The following DGKH variants were observed in gnomAD, a reference collection of about 807,000 sequenced individuals.
DGKH encodes DAG kinase eta.
In DGKH, 90 loss-of-function variants were observed where a neutral mutation model predicts 159.3. The observed-to-expected ratio is 0.57, with a 90% CI of 0.48 to 0.67. The LOEUF (loss-of-function observed/expected upper bound fraction) is 0.67, where lower values mean the gene tolerates loss of function less well. Ranked by LOEUF, DGKH falls within the 30% of genes least tolerant of loss-of-function variation. The pLI, the probability that DGKH is intolerant of heterozygous loss-of-function variation, is 0.00. For missense variants in DGKH, 1,181 were observed against 1,506.1 expected (o/e 0.78, Z 3.57); for synonymous variants, 536 against 553.8 (o/e 0.97, Z 0.45).
At chr13:42,171,527 G>A (rs1032007198) in intron 11 of DGKH, among the ~76,000 whole-genome samples, 1 of 152,164 alleles carries the variant, frequency 6.6e-6, no homozygotes, top group African/African-American at 2.4e-5. Context: ...AGGGTGCAAG[G>A]AACTCAGACA....
chr13:42,046,545 G>A (rs528758971), upstream of DGKH, among the ~76,000 whole-genome samples: 5 of 152,284 alleles, frequency 3.3e-5, no homozygotes, highest in African/African-American at 1.2e-4. Context: ...TTACTTTGAG[G>A]TATTAAATGG....
At chr13:42,201,379 A>G (rs1375350548) in intron 20 of DGKH, among the ~76,000 whole-genome samples, 1 of 152,098 alleles carries the variant, frequency 6.6e-6, no homozygotes. Context: ...TGAGGGTGAA[A>G]TAGATGGGTA....
intron 1 of DGKH, among the ~76,000 whole-genome samples, chr13:42,123,893 G>C (rs749315028): frequency 2.6e-5 from 4 of 152,210 alleles, no homozygotes; most frequent in Middle Eastern, 3.2e-3. Flanking sequence ...GGGACAGGTA[G>C]TGATTATAAA....
At chr13:42,245,336 A>G, downstream of DGKH, among the ~76,000 whole-genome samples, 1 of 152,180 alleles carries the variant, frequency 6.6e-6, no homozygotes, top group Non-Finnish European at 1.5e-5. Context: ...ATCCCAATGC[A>G]CGGAATAGTG....
At chr13:42,104,488 G>A (rs930003458) in intron 1 of DGKH, among the ~76,000 whole-genome samples, 5 of 152,186 alleles carry the variant, frequency 3.3e-5, no homozygotes, top group Non-Finnish European at 5.9e-5. Flanking sequence ...AGTCTCACAG[G>A]GCAGTTTTCA....
Position 42,161,583 on chromosome 13 carries a change from C to A in DGKH, c.855+1447C>A, listed in dbSNP as rs572733120. ...GATCATGGGGTCAGGAGATCAAGAC[C>A]ATCCTGGCTAACACAGTGAAACCCC... On this transcript the variant is annotated intron_variant, in intron 7 of 29. Coordinates refer to ENST00000337343, the MANE Select transcript of DGKH (RefSeq NM_178009.5). Among the ~76,000 whole-genome samples, 7 of 148,878 alleles carry A rather than the reference C, an allele frequency of 4.7e-5. No individual in the cohort carries two copies. In the East Asian group the frequency reaches 1.4e-3, roughly 29 times the overall value.
chr13:42,066,423 T>C (rs1163598300), intron 1 of DGKH: 1 of 152,234 alleles, frequency 6.6e-6, no homozygotes, highest in Non-Finnish European at 1.5e-5. Context: ...GAATCTTTAC[T>C]GCAATTTGCT....
intron 1 of DGKH, among the ~76,000 whole-genome samples, chr13:42,113,893 T>G (rs1954916490): frequency 6.6e-6 from 1 of 152,138 alleles, no homozygotes; most frequent in South Asian, 2.1e-4. Flanking sequence ...AAGATAGGCT[T>G]TAGGATGGGG....
Position 42,131,737 on chromosome 13 carries a change from CA to C in DGKH, c.384+2106del, listed in dbSNP as rs542882622. ...TAGAGAACAAACAAATGAATTGATC[CA>C]GGGTTGGTGGTTTATAGGGCATATT... On this transcript the variant is annotated intron_variant, in intron 3 of 29. Coordinates refer to ENST00000337343, the MANE Select transcript of DGKH (RefSeq NM_178009.5). Among the ~76,000 whole-genome samples, 6 of 152,144 alleles carry C rather than the reference CA, an allele frequency of 3.9e-5. No individual in the cohort carries two copies. In the East Asian group the frequency reaches 1.2e-3, roughly 29 times the overall value.
chr13:42,128,032 C>A (rs1481693602), intron 2 of DGKH, among the ~76,000 whole-genome samples: 1 of 152,070 alleles, frequency 6.6e-6, no homozygotes, highest in Non-Finnish European at 1.5e-5. Context: ...TGGCTGTGGA[C>A]AGCATGTGTT....
At chr13:42,040,636 G>A (rs964299624) in intron 1 of DGKH, among the ~76,000 whole-genome samples, 11 of 151,572 alleles carry the variant, frequency 7.3e-5, no homozygotes, top group Non-Finnish European at 1.2e-4. Flanking sequence ...CCGCGCAGGG[G>A]AGCGGGACCG....
Position 42,189,266 on chromosome 13 carries a change from T to G in DGKH, c.1869T>G (p.Ser623Arg). The G allele has an allele frequency of 6.2e-7, 1 of 1,614,180 alleles. No individual in the cohort carries two copies. Among genetic ancestry groups the G allele is most frequent in the Non-Finnish European group, 8.5e-7 (1 of 1,180,022 alleles). Reference sequence around the variant, plus strand: ...GGGAAATCATGTTGCGGGCAAATAGTTTAAAGAAAGCAGTGAGGCAAGTCA... The same window carrying G: ...GGGAAATCATGTTGCGGGCAAATAGGTTAAAGAAAGCAGTGAGGCAAGTCA... Reference protein sequence around the residue: ...KPREIMLRANSLKKAVRQVIE... With the variant: ...KPREIMLRANRLKKAVRQVIE... Residue 623 changes from serine to arginine, a missense_variant, in exon 15 of 30, where the codon AGT becomes AGG. By Grantham distance (110) the Ser-to-Arg change is moderately radical (BLOSUM62 -1). Around this residue, in one of 5 missense-constraint regions of DGKH, gnomAD observed 257 missense variants for 281.5 expected, o/e 0.91. Transcript: ENST00000337343.
intron 6 of DGKH, 128 bp from the exon 7 acceptor site, chr13:42,159,883 A>C: frequency 1.5e-6 from 2 of 1,346,664 alleles, no homozygotes; most frequent in Non-Finnish European, 2.0e-6. Context: ...ACGTGGGGTA[A>C]ATGAGTGAAT....
At chr13:42,219,122 C>T (rs1957894868) in intron 26 of DGKH, 108 bp from the exon 27 acceptor site, 1 of 1,355,688 alleles carries the variant, frequency 7.4e-7, no homozygotes, top group South Asian at 1.7e-5. Flanking sequence ...AAAAATACTA[C>T]CTTAATAAGG....
Position 42,214,573 on chromosome 13 carries a change from C to T in DGKH, c.3081C>T (p.Cys1027=). Residue 1027 remains cysteine, a synonymous_variant, in exon 25 of 30, where the codon TGC becomes TGT. Transcript: ENST00000337343. ...AACTGGCCCATGCTGTGAATGCCTG[C>T]TCCCATGCCCTGAATAAAGCCAACC... ...EQELAHAVNA[C]SHALNKANPR... 1 of 1,613,654 alleles carries T rather than the reference C, an allele frequency of 6.2e-7. No individual in the cohort carries two copies. The highest frequency in any genetic ancestry group is 8.5e-7 in the Non-Finnish European group (1 of 1,179,728).
chr13:42,206,296 G>T (rs1053555398), intron 21 of DGKH, 150 bp downstream of exon 21: 3 of 432,924 alleles, frequency 6.9e-6, no homozygotes, highest in Non-Finnish European at 1.2e-5. Flanking sequence ...ATTTATTTAA[G>T]ATTTTATTGT....
chr13:42,127,971 T>A (rs1955205548), intron 2 of DGKH, among the ~76,000 whole-genome samples: 1 of 152,166 alleles, frequency 6.6e-6, no homozygotes, highest in Non-Finnish European at 1.5e-5. Context: ...GAATTCATGC[T>A]CTGTGTTCAG....
At chr13:42,203,907 T>C (rs1029381714) in intron 20 of DGKH, among the ~76,000 whole-genome samples, 6 of 152,222 alleles carry the variant, frequency 3.9e-5, no homozygotes, top group Non-Finnish European at 8.8e-5. Context: ...TTAACACTCC[T>C]GAAGTTTTTC....
Position 42,214,582 on chromosome 13 carries a change from C to G in DGKH, c.3090C>G (p.Ala1030=), listed in dbSNP as rs1415195663. 1 of 1,613,552 alleles carries G rather than the reference C, an allele frequency of 6.2e-7. No individual in the cohort carries two copies. The highest frequency in any genetic ancestry group is 1.1e-5 in the South Asian group (1 of 90,994). ...LAHAVNACSH[A]LNKANPRCPE... is the part of the protein sequence containing the mutation. Reference sequence around the variant, plus strand: ...ATGCTGTGAATGCCTGCTCCCATGCCCTGAATAAAGCCAACCCAAGGTGCC... The same window carrying G: ...ATGCTGTGAATGCCTGCTCCCATGCGCTGAATAAAGCCAACCCAAGGTGCC... The change falls in exon 25 of 30, where the codon GCC becomes GCG. Residue 1030 remains alanine (A), a synonymous_variant. Transcript: ENST00000337343.
Sources: gnomAD v4.1 joint callset for allele counts (sites outside exome capture counted in the v4.1 genomes callset) on GRCh38, gnomAD v4.1.1 for gene constraint, gnomAD v4.1.1 regional missense constraint, MANE v1.5 for transcripts, NCBI Gene and HGNC (gene_info 2026-07-23, HGNC 2026-07-21) for gene names.